The following DENND1A variants were observed in gnomAD, a reference collection of about 807,000 sequenced individuals.
DENND1A encodes the protein DENN domain containing 1A.
A neutral mutation model predicts 113.7 loss-of-function variants in DENND1A; 51 were observed. The observed-to-expected ratio is 0.45, with a 90% CI of 0.36 to 0.57. The LOEUF is 0.57. DENND1A is among the 20% of genes least tolerant of loss of function. DENND1A has a pLI of 0.00. For synonymous variants in DENND1A, 565 were observed against 570.8 expected (o/e 0.99, Z 0.14); for missense variants, 1,258 against 1,395.9 (o/e 0.90, Z 1.57).
intron 1 of DENND1A, among the ~76,000 whole-genome samples, chr9:123,902,472 G>C (rs532447506): frequency 1.3e-5 from 2 of 152,162 alleles, no homozygotes; most frequent in Middle Eastern, 3.2e-3. Flanking sequence ...TTCAGCCACA[G>C]ATCTGAGAAG....
intron 9 of DENND1A, among the ~76,000 whole-genome samples, chr9:123,642,787 T>A (rs1054101340): frequency 6.6e-6 from 1 of 152,234 alleles, no homozygotes; most frequent in African/African-American, 2.4e-5. Flanking sequence ...GCCACTCTCA[T>A]CTCTGCTTCA....
At chr9:123,861,198 A>G (rs1845010696) in intron 2 of DENND1A, among the ~76,000 whole-genome samples, 1 of 152,190 alleles carries the variant, frequency 6.6e-6, no homozygotes, top group African/African-American at 2.4e-5. Context: ...TATAAGGCCT[A>G]TTCTGCCATC....
chr9:123,758,541 T>C (rs1387048304), intron 4 of DENND1A, among the ~76,000 whole-genome samples: 1 of 152,212 alleles, frequency 6.6e-6, no homozygotes, highest in African/African-American at 2.4e-5. Context: ...AGGTGTTACT[T>C]TCCTAAATTC....
At chr9:123,853,687 T>C (rs1479120300) in intron 2 of DENND1A, among the ~76,000 whole-genome samples, 1 of 152,052 alleles carries the variant, frequency 6.6e-6, no homozygotes, top group Non-Finnish European at 1.5e-5. Context: ...AATTATGAGC[T>C]CTAGCTAGCA....
At chr9:123,624,616 T>C (rs1247563568) in intron 10 of DENND1A, among the ~76,000 whole-genome samples, 1 of 152,198 alleles carries the variant, frequency 6.6e-6, no homozygotes, top group Non-Finnish European at 1.5e-5. Context: ...AGATGGTGCC[T>C]CCTCTCAAAA....
chr9:123,621,296 G>A (rs749015345), intron 10 of DENND1A, among the ~76,000 whole-genome samples: 10 of 150,206 alleles, frequency 6.7e-5, no homozygotes, highest in African/African-American at 2.0e-4. Flanking sequence ...AGCAATTCTC[G>A]TGCTTCAGCC....
chr9:123,475,497 G>A (rs1206143204), intron 13 of DENND1A, among the ~76,000 whole-genome samples: 3 of 152,240 alleles, frequency 2.0e-5, no homozygotes, highest in Non-Finnish European at 4.4e-5. Context: ...GGACAGAGTT[G>A]CATTTTTAGT....
At chr9:123,547,083 C>T (rs1268821886) in intron 13 of DENND1A, among the ~76,000 whole-genome samples, 2 of 152,244 alleles carry the variant, frequency 1.3e-5, no homozygotes, top group African/African-American at 4.8e-5. Flanking sequence ...GGTAACAAGA[C>T]TCTCAAACTG....
intron 11 of DENND1A, among the ~76,000 whole-genome samples, chr9:123,602,040 C>T (rs528605876): frequency 6.6e-6 from 1 of 152,344 alleles, no homozygotes; most frequent in African/African-American, 2.4e-5. Flanking sequence ...AGATCAGAGG[C>T]TCTGATAAAC....
intron 5 of DENND1A, among the ~76,000 whole-genome samples, chr9:123,680,124 T>C (rs1377401683): frequency 6.6e-6 from 1 of 152,134 alleles, no homozygotes; most frequent in East Asian, 1.9e-4. Context: ...CGGACTGATG[T>C]AGAAGATGAT....
intron 2 of DENND1A, among the ~76,000 whole-genome samples, chr9:123,826,103 T>C (rs144217223): frequency 6.6e-6 from 1 of 152,376 alleles, no homozygotes; most frequent in East Asian, 1.9e-4. Flanking sequence ...CTGAGATTTC[T>C]GGGGTCCTTT....
chr9:123,632,713 C>G (rs562796025), intron 9 of DENND1A, among the ~76,000 whole-genome samples: 1 of 152,300 alleles, frequency 6.6e-6, no homozygotes, highest in East Asian at 1.9e-4. Context: ...GTACCATCTT[C>G]TCCAAGTCTG....
At chr9:123,596,744 A>T (rs1206024927) in intron 11 of DENND1A, among the ~76,000 whole-genome samples, 2 of 152,220 alleles carry the variant, frequency 1.3e-5, no homozygotes, top group African/African-American at 4.8e-5. Context: ...AAGCCCTAAA[A>T]GTAGGGCCAG....
intron 13 of DENND1A, among the ~76,000 whole-genome samples, chr9:123,505,690 C>T (rs948650577): frequency 2.0e-5 from 3 of 152,160 alleles, no homozygotes; most frequent in Admixed American, 2.0e-4. Flanking sequence ...AGCTTTATGG[C>T]TGAACCGGAA....
At chr9:123,540,640 G>A (rs543934020) in intron 13 of DENND1A, among the ~76,000 whole-genome samples, 2 of 152,296 alleles carry the variant, frequency 1.3e-5, no homozygotes, top group South Asian at 2.1e-4. Context: ...ACTAGGGCTC[G>A]AGTCCAAGCT....
intron 3 of DENND1A, among the ~76,000 whole-genome samples, chr9:123,785,826 C>T (rs1257765313): frequency 1.3e-5 from 2 of 152,158 alleles, no homozygotes; most frequent in African/African-American, 2.4e-5. Flanking sequence ...TTTCCACCTA[C>T]GTTTCCAGAC....
chr9:123,434,096 G>A (rs1293063590), intron 19 of DENND1A, among the ~76,000 whole-genome samples: 9 of 152,170 alleles, frequency 5.9e-5, no homozygotes, highest in African/African-American at 1.9e-4. Flanking sequence ...GCACAATCTC[G>A]GCTCACTGCA....
intron 3 of DENND1A, among the ~76,000 whole-genome samples, chr9:123,776,745 T>C (rs1830531937): frequency 6.6e-6 from 1 of 152,254 alleles, no homozygotes; most frequent in African/African-American, 2.4e-5. Flanking sequence ...AAGTGATCTT[T>C]GTCAGACAAG....
At chr9:123,529,305 G>A (rs2055104685) in intron 13 of DENND1A, among the ~76,000 whole-genome samples, 1 of 152,166 alleles carries the variant, frequency 6.6e-6, no homozygotes, top group South Asian at 2.1e-4. Flanking sequence ...GAAACAATCT[G>A]TGTGAGCTTA....
Sources: gnomAD v4.1 joint callset for allele counts (sites outside exome capture counted in the v4.1 genomes callset) on GRCh38, gnomAD v4.1.1 for gene constraint, MANE v1.5 for transcripts, NCBI Gene and HGNC (gene_info 2026-07-23, HGNC 2026-07-21) for gene names.